PSMD1: variants seen among roughly 807,000 people sequenced by gnomAD.
PSMD1 encodes the protein 26S proteasome non-ATPase regulatory subunit 1.
PSMD1 carries 18 observed loss-of-function variants against 119.0 expected under a neutral mutation model. The ratio of observed to expected loss-of-function variants is 0.15; its 90% confidence interval spans 0.10 to 0.22. The LOEUF (loss-of-function observed/expected upper bound fraction) is 0.22, where lower values mean the gene tolerates loss of function less well. PSMD1 is among the 10% of genes least tolerant of loss of function. The pLI is 1.00. For synonymous variants in PSMD1, 374 were observed against 396.6 expected (o/e 0.94, Z 0.68); for missense variants, 702 against 1,158.5 (o/e 0.61, Z 5.72).
chr2:231,123,669 A>G, intron 16 of PSMD1: 1 of 1,614,102 alleles, frequency 6.2e-7, no homozygotes, highest in Non-Finnish European at 8.5e-7. Flanking sequence ...TCTGTAATCC[A>G]GACCAGTTAG....
In PSMD1 at chr2:231,163,150, A is replaced by T. The variant is rs562317576; in HGVS notation, c.2389-485A>T. Reference sequence around the variant, plus strand: ...AAAAATTGAGACCAAAGAACTTTAAAACTGGTCACTAGGTAATGTGAAGCT... The same window carrying T: ...AAAAATTGAGACCAAAGAACTTTAATACTGGTCACTAGGTAATGTGAAGCT... On this transcript the variant is annotated intron_variant, in intron 20 of 24. Transcript: ENST00000308696. The T allele has an allele frequency of 2.6e-5, 4 of 152,616 alleles. No homozygotes were observed. The East Asian group carries it at 7.7e-4, about 29-fold the overall frequency. 9.5% of individuals were successfully genotyped at this position (152,616 alleles called of 1,614,324 possible).
intron 17 of PSMD1, among the ~76,000 whole-genome samples, chr2:231,139,606 TTTG>T (rs1477607950): frequency 4.0e-5 from 6 of 151,210 alleles, no homozygotes; most frequent in East Asian, 1.9e-4. Context: ...TAAAATAGTT[TTTG>T]TTGTTGTTAA....
intron 22 of PSMD1, 140 bp from the exon 23 acceptor site, chr2:231,165,731 A>G (rs1314837200): frequency 1.5e-6 from 1 of 685,068 alleles, no homozygotes; most frequent in Non-Finnish European, 2.3e-6. Flanking sequence ...TCTGAGTCTG[A>G]TAGCACTTTA....
chr2:231,163,529 T>C, intron 20 of PSMD1, 106 bp from the exon 21 acceptor site: 1 of 715,600 alleles, frequency 1.4e-6, no homozygotes, highest in Non-Finnish European at 2.4e-6. Flanking sequence ...CATAACATAG[T>C]TGAACATACA....
intron 9 of PSMD1, among the ~76,000 whole-genome samples, chr2:231,077,962 T>A (rs1351901062): frequency 6.6e-6 from 1 of 152,248 alleles, no homozygotes; most frequent in East Asian, 1.9e-4. Flanking sequence ...TGTAATATAG[T>A]CTCATTAAAA....
rs377040265 is a variant in PSMD1 at position 231,072,683 on chromosome 2, G to T, written c.881+268G>T. On this transcript the variant is annotated intron_variant, in intron 7 of 24. Coordinates refer to ENST00000308696, the MANE Select transcript of PSMD1 (RefSeq NM_002807.4). ...GACAACATGTGTACTATTTAATCAA[G>T]TAAATTTAAAAAAACAGGTGGGGAT... 1.8e-4 allele frequency among the ~76,000 whole-genome samples: 28 copies of T among 152,072 alleles called. No individual in the cohort carries two copies. The East Asian group carries it at 4.3e-3, about 23-fold the overall frequency.
chr2:231,078,173 C>T lies in PSMD1; in HGVS notation c.1072-486C>T, dbSNP rs370689102. Among the ~76,000 whole-genome samples, 11 of 152,316 alleles carry T rather than the reference C, an allele frequency of 7.2e-5. No homozygotes were observed. In the East Asian group the frequency reaches 2.1e-3, roughly 29 times the overall value. ...ATCCCAGCTACTCGCGAGACTGAGG[C>T]AGGAGAATCGCTTGAACCCAGGAGG... On this transcript the variant is annotated intron_variant, in intron 9 of 24. Transcript: ENST00000308696.
chr2:231,078,249 C>T (rs2125167926), intron 9 of PSMD1, among the ~76,000 whole-genome samples: 1 of 152,304 alleles, frequency 6.6e-6, no homozygotes, highest in Middle Eastern at 3.4e-3. Context: ...GCCTGGGCAA[C>T]CAAGCAACAC....
chr2:231,104,025 G>A (rs1694926541), intron 16 of PSMD1, among the ~76,000 whole-genome samples: 1 of 152,058 alleles, frequency 6.6e-6, no homozygotes, highest in Non-Finnish European at 1.5e-5. Context: ...ATTCTTCCAG[G>A]TATACCCTTA....
At chr2:231,124,644 G>C (rs1342608670) in intron 16 of PSMD1, among the ~76,000 whole-genome samples, 1 of 152,038 alleles carries the variant, frequency 6.6e-6, no homozygotes, top group Non-Finnish European at 1.5e-5. Context: ...CATCTCTCAT[G>C]GTATGTCTTT....
At chr2:231,100,922 A>G (rs1047027166) in intron 16 of PSMD1, among the ~76,000 whole-genome samples, 4 of 152,140 alleles carry the variant, frequency 2.6e-5, no homozygotes, top group African/African-American at 7.2e-5. Flanking sequence ...TTCCCTCGCA[A>G]TCTGTTGCAG....
At chr2:231,163,989 C>A (rs1247875968) in intron 21 of PSMD1, among the ~76,000 whole-genome samples, 2 of 152,174 alleles carry the variant, frequency 1.3e-5, no homozygotes, top group Admixed American at 6.5e-5. Flanking sequence ...TAAAATTATT[C>A]TCTACATACT....
At chr2:231,154,681 C>A (rs1176336030) in intron 19 of PSMD1, among the ~76,000 whole-genome samples, 1 of 152,162 alleles carries the variant, frequency 6.6e-6, no homozygotes, top group Non-Finnish European at 1.5e-5. Flanking sequence ...GTTGCTCAGG[C>A]TTGTCTTGAA....
intron 1 of PSMD1, among the ~76,000 whole-genome samples, chr2:231,058,806 C>G (rs1255315360): frequency 6.6e-6 from 1 of 152,110 alleles, no homozygotes; most frequent in Non-Finnish European, 1.5e-5. Flanking sequence ...CCTTTCTAGT[C>G]TTCTCTTCCT....
chr2:231,125,666 G>A (rs544317219), intron 16 of PSMD1, among the ~76,000 whole-genome samples: 1 of 152,118 alleles, frequency 6.6e-6, no homozygotes, highest in Non-Finnish European at 1.5e-5. Context: ...TAGACTTTAC[G>A]TTGGAGAAAA....
intron 16 of PSMD1, among the ~76,000 whole-genome samples, chr2:231,105,605 TTATAA>T (rs1335178163): frequency 1.3e-5 from 2 of 152,200 alleles, no homozygotes; most frequent in African/African-American, 4.8e-5. Flanking sequence ...ACTTAGGCTG[TTATAA>T]TATGGCATTA....
chr2:231,166,910 A>G (rs980672139), intron 23 of PSMD1, among the ~76,000 whole-genome samples: 2 of 152,196 alleles, frequency 1.3e-5, no homozygotes, highest in African/African-American at 4.8e-5. Context: ...TAGTGTATGT[A>G]GTGGTTTAGA....
chr2:231,116,656 C>T (rs1695345395), intron 16 of PSMD1, among the ~76,000 whole-genome samples: 1 of 151,990 alleles, frequency 6.6e-6, no homozygotes, highest in Non-Finnish European at 1.5e-5. Flanking sequence ...TTTTTTAGTG[C>T]TGATTTAAGT....
chr2:231,069,142 G>A (rs972140658), intron 5 of PSMD1, among the ~76,000 whole-genome samples: 2 of 150,904 alleles, frequency 1.3e-5, no homozygotes, highest in Admixed American at 1.3e-4. Flanking sequence ...AGGAGAACAA[G>A]CAGTCAAACA....
Sources: allele counts gnomAD v4.1 joint callset (sites outside exome capture counted in the v4.1 genomes callset), GRCh38; gene constraint gnomAD v4.1.1; transcripts MANE v1.5; gene names NCBI Gene and HGNC (gene_info 2026-07-23, HGNC 2026-07-21).